The following DOCK1 variants were observed in gnomAD, a reference collection of about 807,000 sequenced individuals.
DOCK1 encodes dedicator of cytokinesis 1, also known as dedicator of cytokinesis protein 1.
In DOCK1, 138 loss-of-function variants were observed where a neutral mutation model predicts 262.7. That is an observed-to-expected ratio of 0.53 (90% CI 0.46 to 0.61). The LOEUF is 0.61. Ranked by LOEUF, DOCK1 falls within the 20% of genes least tolerant of loss-of-function variation. The pLI, the probability that DOCK1 is intolerant of heterozygous loss-of-function variation, is 0.00. For synonymous variants in DOCK1, 866 were observed against 867.4 expected (o/e 1.00, Z 0.03); for missense variants, 1,908 against 2,370.7 (o/e 0.80, Z 4.05).
At chr10:126,960,872 GAAAA>G (rs1216331239) in intron 1 of DOCK1, among the ~76,000 whole-genome samples, 1 of 136,304 alleles carries the variant, frequency 7.3e-6, no homozygotes, top group South Asian at 2.3e-4. Flanking sequence ...GAACCCAATA[GAAAA>G]AAAAAAAGAA....
At chr10:127,343,528 T>C (rs927938075) in intron 30 of DOCK1, 118 bp from the exon 31 acceptor site, 1 of 641,742 alleles carries the variant, frequency 1.6e-6, no homozygotes. Flanking sequence ...TGAGTGTGGG[T>C]TTTTTTTTTA....
At chr10:126,964,957 C>G (rs914162642) in intron 1 of DOCK1, among the ~76,000 whole-genome samples, 1 of 152,198 alleles carries the variant, frequency 6.6e-6, no homozygotes, top group Non-Finnish European at 1.5e-5. Context: ...AGGAAGAGTA[C>G]TTTGGGATCT....
At position 127,135,302 on chromosome 10, in the gene DOCK1, C is replaced by G. The variant is rs562325528; in HGVS notation, c.2847+7538C>G. ...GGTCAGGCCCAGGCCTTACGATGCT[C>G]TTGTCTTCTGCAGACCGGATGAAAT... On this transcript the variant is annotated intron_variant, in intron 27 of 51. Transcript: ENST00000623213. The G allele has an allele frequency of 5.3e-5, 8 of 152,324 alleles. No homozygotes were observed. The South Asian group carries it at 1.7e-3, about 32-fold the overall frequency. The allele number at this position is 152,324 out of a possible 1,614,324, so 9.4% of individuals were successfully genotyped here.
chr10:127,264,741 G>T (rs2060293620), intron 29 of DOCK1, among the ~76,000 whole-genome samples: 1 of 152,080 alleles, frequency 6.6e-6, no homozygotes, highest in Non-Finnish European at 1.5e-5. Context: ...GCTCACTGCA[G>T]CCTTTAACTA....
chr10:127,044,801 C>T (rs1419764141), intron 21 of DOCK1, among the ~76,000 whole-genome samples: 1 of 152,124 alleles, frequency 6.6e-6, no homozygotes, highest in African/African-American at 2.4e-5. Flanking sequence ...CAGCCATTCT[C>T]ATAGGTGGAG....
Position 127,283,346 on chromosome 10 carries a change from T to C in DOCK1, c.3044+25917T>C, listed in dbSNP as rs189360247. Among the ~76,000 whole-genome samples the C allele has an allele frequency of 1.2e-3, 187 of 152,298 alleles. 2 individuals carry two copies. The highest frequency in any genetic ancestry group is 4.1e-3 in the African/African-American group (170 of 41,568). The stretch of plus-strand genomic sequence containing the variant: ...AGCCAGTGAGGTTGGAGCAAACCCT[T>C]GAACAGGGGCTGGGCCCACCTTTGT... On this transcript the variant is annotated intron_variant, in intron 29 of 51. Coordinates refer to ENST00000623213, the MANE Select transcript of DOCK1 (RefSeq NM_001290223.2).
At chr10:127,030,320 C>T (rs1449518613) in intron 16 of DOCK1, among the ~76,000 whole-genome samples, 2 of 152,206 alleles carry the variant, frequency 1.3e-5, no homozygotes, top group African/African-American at 2.4e-5. Flanking sequence ...AGATCCATTT[C>T]TTCAGTCCAT....
chr10:127,442,104 G>A (rs939607892), intron 49 of DOCK1, among the ~76,000 whole-genome samples: 7 of 152,166 alleles, frequency 4.6e-5, no homozygotes, highest in Admixed American at 2.0e-4. Flanking sequence ...GCTCCTGGGC[G>A]CTTGGCTCCC....
chr10:126,952,078 G>A (rs2036298376), intron 1 of DOCK1, among the ~76,000 whole-genome samples: 1 of 151,972 alleles, frequency 6.6e-6, no homozygotes, highest in African/African-American at 2.4e-5. Flanking sequence ...TCAATTTCTT[G>A]ACCTTGTGAT....
At position 127,207,944 on chromosome 10, in the gene DOCK1, G is replaced by A. The variant is rs560330402; in HGVS notation, c.2848-40064G>A. 3.9e-5 allele frequency among the ~76,000 whole-genome samples: 6 copies of A among 152,266 alleles called. No individual in the cohort carries two copies. In the South Asian group the frequency reaches 1.0e-3, roughly 26 times the overall value. On this transcript the variant is annotated intron_variant, in intron 27 of 51. Coordinates refer to ENST00000623213, the MANE Select transcript of DOCK1 (RefSeq NM_001290223.2). ...CCAAATTTTAAGAATGAATTGATGCGTTTGATTGATCACAGGAGAATTCAG... is the reference window on the plus strand; with the variant it reads ...CCAAATTTTAAGAATGAATTGATGCATTTGATTGATCACAGGAGAATTCAG...
chr10:127,265,347 T>C (rs2060316295), intron 29 of DOCK1, among the ~76,000 whole-genome samples: 1 of 152,164 alleles, frequency 6.6e-6, no homozygotes, highest in African/African-American at 2.4e-5. Flanking sequence ...TGTGAGATCA[T>C]GTTGCTATTT....
At chr10:127,007,229 T>TA (rs2041101076) in intron 10 of DOCK1, among the ~76,000 whole-genome samples, 6 of 152,150 alleles carry the variant, frequency 3.9e-5, no homozygotes. Flanking sequence ...TGTCGTCTCT[T>TA]ACGACACTGC....
chr10:127,361,190 T>C (rs1257193902), intron 32 of DOCK1, among the ~76,000 whole-genome samples: 1 of 144,750 alleles, frequency 6.9e-6, no homozygotes, highest in East Asian at 2.2e-4. Flanking sequence ...CTTGGCTCAC[T>C]GCGACCTCTT....
At chr10:127,321,340 C>G (rs1412780983) in intron 29 of DOCK1, among the ~76,000 whole-genome samples, 1 of 131,216 alleles carries the variant, frequency 7.6e-6, no homozygotes, top group Non-Finnish European at 1.6e-5. Flanking sequence ...CTCTATCCTC[C>G]CTTCTCTCGC....
At chr10:127,216,534 C>A (rs905737147) in intron 27 of DOCK1, among the ~76,000 whole-genome samples, 1 of 152,068 alleles carries the variant, frequency 6.6e-6, no homozygotes, top group African/African-American at 2.4e-5. Flanking sequence ...GCCTTACAGC[C>A]ATTGGGCTGG....
chr10:127,409,909 T>G (rs1445139095), intron 42 of DOCK1, among the ~76,000 whole-genome samples: 1 of 152,178 alleles, frequency 6.6e-6, no homozygotes, highest in East Asian at 1.9e-4. Context: ...CTTTTAAACC[T>G]CCTGAGTCAA....
At chr10:127,180,480 G>A (rs541455342) in intron 27 of DOCK1, among the ~76,000 whole-genome samples, 5 of 152,302 alleles carry the variant, frequency 3.3e-5, no homozygotes, top group Admixed American at 6.5e-5. Context: ...GCTAGTCATG[G>A]TTGTGCCTGT....
Position 127,031,773 on chromosome 10 carries a change from C to G in DOCK1, c.1728+20C>G, listed in dbSNP as rs763554769. 5 of 1,597,788 alleles carry G rather than the reference C, an allele frequency of 3.1e-6. No homozygotes were observed. The highest frequency in any genetic ancestry group is 3.4e-5 in the Admixed American group (2 of 58,152). On this transcript the variant is annotated intron_variant, in intron 17 of 51. Transcript: ENST00000623213. Reference sequence around the variant, plus strand: ...TATAAGGTATCTGGTTGCATTGGTGCAATATTGCTGCTATAGACAGTTTCA... The same window carrying G: ...TATAAGGTATCTGGTTGCATTGGTGGAATATTGCTGCTATAGACAGTTTCA...
intron 27 of DOCK1, among the ~76,000 whole-genome samples, chr10:127,189,811 T>A (rs1357510108): frequency 6.6e-6 from 1 of 152,186 alleles, no homozygotes; most frequent in Admixed American, 6.5e-5. Context: ...TGCAGTGTGA[T>A]TTACGCAAGG....
Sources: allele counts gnomAD v4.1 joint callset (sites outside exome capture counted in the v4.1 genomes callset), GRCh38; gene constraint gnomAD v4.1.1; transcripts MANE v1.5; gene names NCBI Gene and HGNC (gene_info 2026-07-23, HGNC 2026-07-21).